ACOXL: variants seen among roughly 807,000 people sequenced by gnomAD.
The protein encoded by ACOXL is acyl-coenzyme A oxidase-like protein.
Under a neutral mutation model 71.9 loss-of-function variants are expected in ACOXL, and 70 were observed. The observed-to-expected ratio is 0.97, with a 90% CI of 0.80 to 1.19. The LOEUF (loss-of-function observed/expected upper bound fraction) is 1.19. Among genes scored for constraint, ACOXL ranks in the 50% most tolerant of loss-of-function variants. The probability of loss-of-function intolerance (pLI) is 0.00; values close to 1 mark genes in which losing one functional copy is unlikely to be tolerated. For missense variants in ACOXL, 703 were observed against 736.3 expected, an observed-to-expected ratio of 0.95 and a Z score of 0.52; for synonymous variants, 253 against 281.6, an observed-to-expected ratio of 0.90 and a Z score of 1.02.
intron 14 of ACOXL, among the ~76,000 whole-genome samples, chr2:111,026,279 G>C (rs997398641): frequency 6.6e-6 from 1 of 151,988 alleles, no homozygotes; most frequent in Non-Finnish European, 1.5e-5. Flanking sequence ...TAATTAGCTT[G>C]TATGGTTCTA....
chr2:110,768,911 C>T (rs527852980), intron 2 of ACOXL, among the ~76,000 whole-genome samples: 5 of 152,062 alleles, frequency 3.3e-5, no homozygotes, highest in South Asian at 2.1e-4. Context: ...AGACAGGTCT[C>T]GGTGGAGGAG....
chr2:110,945,975 A>G (rs905750798), intron 12 of ACOXL, among the ~76,000 whole-genome samples: 2 of 152,116 alleles, frequency 1.3e-5, no homozygotes, highest in African/African-American at 4.8e-5. Context: ...CTTTCAATCC[A>G]TTAGCATGGA....
At chr2:110,923,678 A>G (rs1413274202) in intron 11 of ACOXL, among the ~76,000 whole-genome samples, 1 of 152,150 alleles carries the variant, frequency 6.6e-6, no homozygotes, top group Non-Finnish European at 1.5e-5. Flanking sequence ...TCATGCCTGT[A>G]ATCTCAGCAC....
intron 3 of ACOXL, among the ~76,000 whole-genome samples, chr2:110,790,555 A>G (rs1298976381): frequency 1.3e-5 from 2 of 152,104 alleles, no homozygotes; most frequent in Non-Finnish European, 2.9e-5. Flanking sequence ...TGCATGTTTG[A>G]AGTTCGAGTT....
intron 15 of ACOXL, among the ~76,000 whole-genome samples, chr2:111,035,411 A>T (rs1481289671): frequency 6.6e-6 from 1 of 152,226 alleles, no homozygotes; most frequent in Non-Finnish European, 1.5e-5. Flanking sequence ...TAGAAAGTGC[A>T]GCTCTGAAGC....
intron 9 of ACOXL, among the ~76,000 whole-genome samples, chr2:110,828,638 A>G (rs1689446778): frequency 6.6e-6 from 1 of 152,202 alleles, no homozygotes; most frequent in Non-Finnish European, 1.5e-5. Context: ...CAGCCTTCTC[A>G]ACAAGCCTGT....
At chr2:110,980,661 A>G (rs181938435) in intron 12 of ACOXL, among the ~76,000 whole-genome samples, 17 of 152,252 alleles carry the variant, frequency 1.1e-4, no homozygotes, top group Admixed American at 1.0e-3. Flanking sequence ...AGGTGCTGAC[A>G]CTGTCACTCA....
chr2:110,837,448 G>C (rs1690595544), intron 9 of ACOXL, among the ~76,000 whole-genome samples: 1 of 151,528 alleles, frequency 6.6e-6, no homozygotes, highest in South Asian at 2.1e-4. Flanking sequence ...ATTATAATGT[G>C]TTTAAAAAAT....
chr2:111,107,573 C>T (rs1034448941), intron 17 of ACOXL, among the ~76,000 whole-genome samples: 2 of 152,230 alleles, frequency 1.3e-5, no homozygotes, highest in African/African-American at 4.8e-5. Context: ...ACCACAACCT[C>T]TGCCTCCTGG....
intron 14 of ACOXL, among the ~76,000 whole-genome samples, chr2:111,004,335 G>T (rs2063775861): frequency 6.6e-6 from 1 of 152,148 alleles, no homozygotes; most frequent in Admixed American, 6.6e-5. Flanking sequence ...TAGGCACATG[G>T]GAAGCCCATC....
At chr2:111,084,228 C>G (rs2068081392) in intron 16 of ACOXL, among the ~76,000 whole-genome samples, 1 of 146,106 alleles carries the variant, frequency 6.8e-6, no homozygotes, top group African/African-American at 2.5e-5. Context: ...AGTAGAGGGA[C>G]TGCTGTCTTA....
rs569911308 is a variant in ACOXL, at chr2:110,998,802, A to G, written c.1281+2798A>G. Among the ~76,000 whole-genome samples the G allele has an allele frequency of 5.9e-5, 9 of 152,354 alleles. No homozygotes were observed. The East Asian group carries it at 1.7e-3, about 29-fold the overall frequency. ...CTGGAAAGTGGGGGATTAGATTTAA[A>G]ATGGGCTATAATATGAAATGAAAGA... is the stretch of plus-strand genomic sequence containing the variant. On this transcript the variant is annotated intron_variant, in intron 14 of 17. Coordinates refer to ENST00000439055, the MANE Select transcript of ACOXL (RefSeq NM_001142807.4).
rs190132471 is a variant in ACOXL at position 110,947,542 on chromosome 2, A to G, written c.1059+13900A>G. On this transcript the variant is annotated intron_variant, in intron 12 of 17. Transcript: ENST00000439055. ...CATGGTAGATATTCAATAAAACTTG[A>G]TTCTCTTTCCTTTCCCTTTTGCTGG... Among the ~76,000 whole-genome samples, 198 of 152,212 alleles carry G rather than the reference A, an allele frequency of 1.3e-3. 1 individual carries two copies. The highest frequency in any genetic ancestry group is 4.0e-3 in the African/African-American group (165 of 41,538).
intron 10 of ACOXL, among the ~76,000 whole-genome samples, chr2:110,849,176 CAGGCA>C (rs1370403083): frequency 6.6e-6 from 1 of 152,186 alleles, no homozygotes; most frequent in Non-Finnish European, 1.5e-5. Context: ...CTGTCTGCCT[CAGGCA>C]ACAGGTGGGA....
chr2:111,034,954 G>A (rs376583416), intron 15 of ACOXL, among the ~76,000 whole-genome samples: 1 of 148,910 alleles, frequency 6.7e-6, no homozygotes, highest in East Asian at 2.0e-4. Flanking sequence ...GTCTCGCTCT[G>A]TCGCCCAGGC....
intron 1 of ACOXL, among the ~76,000 whole-genome samples, chr2:110,736,436 G>A (rs62162647): frequency 0.17 from 25,974 of 151,892 alleles, 2,764 homozygotes; most frequent in East Asian, 0.3. Context: ...CTGTCTCTCA[G>A]CATCTGACTA....
At chr2:111,056,569 A>G (rs1204805101) in intron 16 of ACOXL, among the ~76,000 whole-genome samples, 1 of 151,994 alleles carries the variant, frequency 6.6e-6, no homozygotes, top group Non-Finnish European at 1.5e-5. Flanking sequence ...TGGGTGGATC[A>G]TGAGGTCAGG....
intron 12 of ACOXL, among the ~76,000 whole-genome samples, chr2:110,958,902 G>A (rs1474046343): frequency 6.6e-6 from 1 of 152,242 alleles, no homozygotes; most frequent in African/African-American, 2.4e-5. Context: ...ATGTCTCCCT[G>A]TAGAGCAGTC....
chr2:111,117,464 T>A (rs2070442916), intron 17 of ACOXL, among the ~76,000 whole-genome samples, 152 bp from the exon 18 acceptor site: 2 of 152,194 alleles, frequency 1.3e-5, no homozygotes, highest in Admixed American at 6.5e-5. Flanking sequence ...CGAGGGTTAT[T>A]CATGGCCAAC....
Sources: gnomAD v4.1 joint callset for allele counts (sites outside exome capture counted in the v4.1 genomes callset) on GRCh38, gnomAD v4.1.1 for gene constraint, MANE v1.5 for transcripts, NCBI Gene and HGNC (gene_info 2026-07-23, HGNC 2026-07-21) for gene names.